The following CCDC7 variants were observed in gnomAD, a reference collection of about 807,000 sequenced individuals.
CCDC7 encodes coiled-coil domain containing 7.
CCDC7 carries 183 observed loss-of-function variants against 196.9 expected under a neutral mutation model. The ratio of observed to expected loss-of-function variants is 0.93; its 90% CI spans 0.82 to 1.05. The LOEUF (loss-of-function observed/expected upper bound fraction) is 1.05. CCDC7 is among the 50% of genes least tolerant of loss of function. The pLI, the probability that CCDC7 is intolerant of heterozygous loss-of-function variation, is 0.00. For synonymous variants in CCDC7, 525 were observed against 484.6 expected, an observed-to-expected ratio of 1.08 and a Z score of -1.10; for missense variants, 1,540 against 1,482.2, an observed-to-expected ratio of 1.04 and a Z score of -0.64.
upstream of CCDC7, among the ~76,000 whole-genome samples, chr10:32,449,466 G>A (rs879347401): frequency 2.0e-5 from 3 of 152,142 alleles, no homozygotes; most frequent in Non-Finnish European, 2.9e-5. Flanking sequence ...GATTACAGGC[G>A]TGAGCCAATG....
intron 11 of CCDC7, among the ~76,000 whole-genome samples, chr10:32,519,288 A>G (rs1229744835): frequency 6.6e-5 from 10 of 152,198 alleles, no homozygotes; most frequent in African/African-American, 1.9e-4. Flanking sequence ...TGAAGAACTG[A>G]GTAGTCTGAC....
chr10:32,677,433 A>G (rs1403536290), intron 21 of CCDC7, among the ~76,000 whole-genome samples: 1 of 151,974 alleles, frequency 6.6e-6, no homozygotes, highest in African/African-American at 2.4e-5. Flanking sequence ...TTAACTCCCT[A>G]AATTTTTGTT....
chr10:32,603,354 A>G (rs1260414461), intron 18 of CCDC7, among the ~76,000 whole-genome samples: 3 of 152,088 alleles, frequency 2.0e-5, no homozygotes, highest in Admixed American at 2.0e-4. Flanking sequence ...TCATCCATTG[A>G]TGGACACTTA....
intron 29 of CCDC7, among the ~76,000 whole-genome samples, chr10:32,804,168 A>G (rs2085353465): frequency 6.6e-6 from 1 of 152,184 alleles, no homozygotes; most frequent in Admixed American, 6.5e-5. Context: ...GATTTCACTG[A>G]CAAAACTTTA....
intron 11 of CCDC7, among the ~76,000 whole-genome samples, chr10:32,530,431 A>G (rs949135947): frequency 2.6e-5 from 4 of 152,214 alleles, no homozygotes; most frequent in African/African-American, 9.6e-5. Context: ...ACTATACTGA[A>G]TGGGGAAAAA....
intron 20 of CCDC7, among the ~76,000 whole-genome samples, chr10:32,661,563 C>T (rs2071453616): frequency 6.6e-6 from 1 of 152,152 alleles, no homozygotes; most frequent in Non-Finnish European, 1.5e-5. Flanking sequence ...GCTGATTATT[C>T]AGGGCCCAAG....
upstream of CCDC7, chr10:32,451,520 A>G (rs1353207069): frequency 2.2e-6 from 3 of 1,360,424 alleles, no homozygotes; most frequent in Non-Finnish European, 2.9e-6. Flanking sequence ...AGCCATCAGA[A>G]AAAGAGAAAT....
At chr10:32,669,247 A>T (rs1232788723) in intron 21 of CCDC7, among the ~76,000 whole-genome samples, 1 of 152,160 alleles carries the variant, frequency 6.6e-6, no homozygotes, top group Non-Finnish European at 1.5e-5. Context: ...GATAAACCAC[A>T]CTTGATCATG....
At chr10:32,823,667 T>G (rs1411147616) in intron 31 of CCDC7, among the ~76,000 whole-genome samples, 2 of 152,200 alleles carry the variant, frequency 1.3e-5, no homozygotes, top group Non-Finnish European at 2.9e-5. Flanking sequence ...AAACTTCAGG[T>G]TTAATAAACC....
chr10:32,447,584 G>T (rs1388849026), upstream of CCDC7, among the ~76,000 whole-genome samples: 1 of 152,020 alleles, frequency 6.6e-6, no homozygotes, highest in Non-Finnish European at 1.5e-5. Flanking sequence ...TGAAAGCATC[G>T]TGTCACAATC....
At chr10:32,751,602 G>T (rs2075665733) in intron 28 of CCDC7, among the ~76,000 whole-genome samples, 1 of 152,062 alleles carries the variant, frequency 6.6e-6, no homozygotes, top group East Asian at 1.9e-4. Context: ...CCATATATTG[G>T]CTTTCATTTT....
intron 20 of CCDC7, among the ~76,000 whole-genome samples, chr10:32,651,048 G>A (rs1417718546): frequency 1.3e-5 from 2 of 152,128 alleles, no homozygotes; most frequent in Non-Finnish European, 2.9e-5. Flanking sequence ...GGGAGTGGAT[G>A]CTTATGGCTG....
intron 28 of CCDC7, among the ~76,000 whole-genome samples, chr10:32,761,331 AAGAG>A (rs1229378117): frequency 2.6e-5 from 4 of 151,972 alleles, no homozygotes; most frequent in South Asian, 2.1e-4. Flanking sequence ...ATACAGAACA[AAGAG>A]AGCACTGATA....
chr10:32,461,709 GTATATATATATATATATATATGTATATA>G (rs1355924571), intron 3 of CCDC7, among the ~76,000 whole-genome samples: 2 of 57,482 alleles, frequency 3.5e-5, no homozygotes, highest in African/African-American at 1.6e-4. Context: ...GTGTGTGTGT[GTATATATATATATATATATATGTATATA>G]TATATATATA....
At chr10:32,602,099 C>T (rs1412666010) in intron 18 of CCDC7, among the ~76,000 whole-genome samples, 1 of 152,174 alleles carries the variant, frequency 6.6e-6, no homozygotes, top group African/African-American at 2.4e-5. Flanking sequence ...CCTTTATAAG[C>T]TGTAACACTC....
chr10:32,677,071 TG>T, intron 21 of CCDC7, among the ~76,000 whole-genome samples: 1 of 151,534 alleles, frequency 6.6e-6, no homozygotes, highest in South Asian at 2.1e-4. Context: ...TGTAGGGACA[TG>T]GATGAAATTG....
chr10:32,671,004 G>A (rs139377985), intron 21 of CCDC7, among the ~76,000 whole-genome samples: 109 of 152,100 alleles, frequency 7.2e-4, no homozygotes, highest in African/African-American at 2.5e-3. Context: ...TTACAAAAGA[G>A]TAAAAAAGTA....
chr10:32,663,289 A>G (rs1409118789), intron 20 of CCDC7, among the ~76,000 whole-genome samples: 1 of 152,202 alleles, frequency 6.6e-6, no homozygotes, highest in Non-Finnish European at 1.5e-5. Flanking sequence ...ACATGGAAAA[A>G]TGAATAAAAC....
intron 29 of CCDC7, among the ~76,000 whole-genome samples, chr10:32,783,966 A>G (rs912733028): frequency 3.9e-5 from 6 of 152,220 alleles, no homozygotes; most frequent in African/African-American, 9.6e-5. Flanking sequence ...AGTAGATCAA[A>G]GGTTCCCAAG....
Sources: allele counts gnomAD v4.1 joint callset (sites outside exome capture counted in the v4.1 genomes callset), GRCh38; gene constraint gnomAD v4.1.1; transcripts MANE v1.5; gene names NCBI Gene and HGNC (gene_info 2026-07-23, HGNC 2026-07-21).